Variants in KDM4C observed in about 807,000 individuals in gnomAD.
KDM4C encodes lysine-specific demethylase 4C.
KDM4C carries 81 observed loss-of-function variants against 129.3 expected under a neutral mutation model. The observed-to-expected ratio is 0.63, with a 90% CI of 0.52 to 0.75. KDM4C has a LOEUF of 0.75. KDM4C is among the 30% of genes least tolerant of loss of function. KDM4C has a pLI of 0.00. For missense variants in KDM4C, 1,457 were observed against 1,304.0 expected (o/e 1.12, Z -1.81); for synonymous variants, 573 against 456.1 (o/e 1.26, Z -3.26).
intron 15 of KDM4C, among the ~76,000 whole-genome samples, chr9:7,042,123 C>G (rs536438582): frequency 3.9e-5 from 6 of 152,062 alleles, no homozygotes; most frequent in African/African-American, 1.4e-4. Context: ...TTAGTATGTG[C>G]TTAGGGAATG....
chr9:7,118,919 A>T (rs934778310), intron 18 of KDM4C, among the ~76,000 whole-genome samples: 2 of 152,112 alleles, frequency 1.3e-5, no homozygotes, highest in Admixed American at 1.3e-4. Flanking sequence ...CTGATAAGAG[A>T]CTACCTATAC....
At chr9:6,797,543 C>G (rs1325061047) in intron 2 of KDM4C, among the ~76,000 whole-genome samples, 1 of 152,132 alleles carries the variant, frequency 6.6e-6, no homozygotes, top group African/African-American at 2.4e-5. Flanking sequence ...ACATGTAAAA[C>G]TTGTACTGTT....
chr9:7,162,616 C>G (rs930745719), intron 19 of KDM4C, among the ~76,000 whole-genome samples: 1 of 152,170 alleles, frequency 6.6e-6, no homozygotes, highest in African/African-American at 2.4e-5. Flanking sequence ...GTTTCCATGT[C>G]CCTCAGCTCT....
At chr9:6,973,843 C>T (rs974243231) in intron 8 of KDM4C, 6 of 152,184 alleles carry the variant, frequency 3.9e-5, no homozygotes, top group Admixed American at 1.3e-4. Flanking sequence ...TGGAGGAGGA[C>T]AGGAGATGCT....
chr9:6,948,008 A>T (rs955127274), intron 8 of KDM4C: 10 of 152,026 alleles, frequency 6.6e-5, no homozygotes, highest in African/African-American at 1.9e-4. Context: ...TTCTAAGTGT[A>T]ATTTGATTTC....
At chr9:6,796,835 C>T (rs1193385966) in intron 2 of KDM4C, among the ~76,000 whole-genome samples, 1 of 152,162 alleles carries the variant, frequency 6.6e-6, no homozygotes, top group African/African-American at 2.4e-5. Flanking sequence ...TACTTACTTT[C>T]CCTCTTGTTC....
intron 1 of KDM4C, among the ~76,000 whole-genome samples, chr9:6,749,157 T>G (rs567358300): frequency 1.8e-4 from 28 of 152,296 alleles, no homozygotes; most frequent in Non-Finnish European, 3.5e-4. Context: ...GTAGCTGGGA[T>G]TACAGGCATG....
At chr9:6,908,006 A>G (rs114805782) in intron 8 of KDM4C, among the ~76,000 whole-genome samples, 2,404 of 152,274 alleles carry the variant, frequency 0.016, 67 homozygotes, top group African/African-American at 0.054. Flanking sequence ...TTTTCCTGCA[A>G]AGTCCTTTGT....
intron 1 of KDM4C, among the ~76,000 whole-genome samples, chr9:6,778,019 C>T (rs1823458762): frequency 1.3e-5 from 2 of 150,784 alleles, no homozygotes; most frequent in African/African-American, 4.9e-5. Context: ...CTCTTGGACT[C>T]AGGGAATCGT....
intron 5 of KDM4C, among the ~76,000 whole-genome samples, chr9:6,850,772 C>T (rs1270199601): frequency 3.4e-5 from 5 of 148,000 alleles, no homozygotes; most frequent in East Asian, 2.0e-4. Context: ...TTTATTTTTT[C>T]GAGACAGGGT....
chr9:7,058,433 A>G (rs1008886379), intron 17 of KDM4C, among the ~76,000 whole-genome samples: 1 of 152,250 alleles, frequency 6.6e-6, no homozygotes, highest in Non-Finnish European at 1.5e-5. Flanking sequence ...TGGTTGAAAT[A>G]TTCTCACCGT....
intron 9 of KDM4C, 82 bp from the exon 10 acceptor site, chr9:6,984,084 T>A (rs1586699768): frequency 1.2e-6 from 1 of 840,582 alleles, no homozygotes; most frequent in East Asian, 2.5e-5. Flanking sequence ...TTTAAGCAAG[T>A]GAAAATGACA....
chr9:6,976,368 T>C (rs930292590), intron 8 of KDM4C, among the ~76,000 whole-genome samples: 1 of 152,200 alleles, frequency 6.6e-6, no homozygotes, highest in Admixed American at 6.5e-5. Context: ...ATTCTTACTG[T>C]CTTCACTAAC....
chr9:6,749,709 G>A (rs1401831057), intron 1 of KDM4C, among the ~76,000 whole-genome samples: 1 of 151,938 alleles, frequency 6.6e-6, no homozygotes, highest in African/African-American at 2.4e-5. Flanking sequence ...TAACCTGGCT[G>A]GGCGCAGTGG....
chr9:6,827,006 T>C (rs1833996456), intron 4 of KDM4C, among the ~76,000 whole-genome samples: 1 of 152,118 alleles, frequency 6.6e-6, no homozygotes, highest in Non-Finnish European at 1.5e-5. Flanking sequence ...CTCCTGATCT[T>C]GTGTTGGTCA....
chr9:7,117,912 A>G (rs1839085578), intron 18 of KDM4C, among the ~76,000 whole-genome samples: 1 of 152,170 alleles, frequency 6.6e-6, no homozygotes, highest in African/African-American at 2.4e-5. Flanking sequence ...AACTAATGTG[A>G]ACTCTCATCT....
At chr9:7,149,413 G>T (rs1168197390) in intron 19 of KDM4C, among the ~76,000 whole-genome samples, 1 of 152,374 alleles carries the variant, frequency 6.6e-6, no homozygotes, top group Admixed American at 6.5e-5. Context: ...GCACAGGGAT[G>T]CCCGGGTCCA....
At chr9:6,948,489 A>ATT (rs146059076) in intron 8 of KDM4C, among the ~76,000 whole-genome samples, 3,658 of 127,252 alleles carry the variant, frequency 0.029, 90 homozygotes, top group Non-Finnish European at 0.046. Context: ...TGCTGTTTGC[A>ATT]TTTTTTTTTT....
intron 17 of KDM4C, among the ~76,000 whole-genome samples, chr9:7,058,823 T>C (rs1026129267): frequency 2.6e-5 from 4 of 152,040 alleles, no homozygotes; most frequent in Middle Eastern, 3.4e-3. Flanking sequence ...AGTGATAGTT[T>C]GAGTTGCATG....
Sources: gnomAD v4.1 joint callset for allele counts (sites outside exome capture counted in the v4.1 genomes callset) on GRCh38, gnomAD v4.1.1 for gene constraint, MANE v1.5 for transcripts, NCBI Gene and HGNC (gene_info 2026-07-23, HGNC 2026-07-21) for gene names.